The following NPAS2 variants were observed in gnomAD, a reference collection of about 807,000 sequenced individuals.
The protein encoded by NPAS2 is neuronal PAS domain protein 2.
Under a neutral mutation model 107.5 loss-of-function variants are expected in NPAS2, and 23 were observed. That is an observed-to-expected ratio of 0.21 (90% CI 0.15 to 0.30). NPAS2 has a LOEUF of 0.30. Among genes scored for constraint, NPAS2 ranks in the 10% least tolerant of loss-of-function variants. The pLI is 1.00. For synonymous variants in NPAS2, 403 were observed against 417.5 expected (o/e 0.97, Z 0.42); for missense variants, 756 against 1,043.3 (o/e 0.72, Z 3.79).
intron 1 of NPAS2, among the ~76,000 whole-genome samples, chr2:100,851,584 C>T (rs1217091972): frequency 6.6e-6 from 1 of 152,192 alleles, no homozygotes; most frequent in African/African-American, 2.4e-5. Flanking sequence ...GTTAAATAAA[C>T]CCTGAGCACC....
intron 1 of NPAS2, among the ~76,000 whole-genome samples, chr2:100,858,909 A>G (rs953481287): frequency 5.9e-5 from 9 of 152,184 alleles, no homozygotes; most frequent in Admixed American, 2.6e-4. Context: ...ATTTAGTAAA[A>G]CTAAGTAAGG....
intron 2 of NPAS2, among the ~76,000 whole-genome samples, chr2:100,915,200 C>CCT (rs34276381): frequency 0.35 from 53,502 of 151,878 alleles, 10,133 homozygotes; most frequent in Admixed American, 0.51. Flanking sequence ...GGAAGGGGAA[C>CCT]CTCTCTCCAG....
intron 1 of NPAS2, among the ~76,000 whole-genome samples, chr2:100,896,450 G>C (rs950225262): frequency 2.6e-5 from 4 of 152,212 alleles, no homozygotes; most frequent in Admixed American, 2.0e-4. Context: ...GGTGCTGCCT[G>C]ATTTATGAGT....
chr2:100,979,530 T>C (rs76137924), intron 15 of NPAS2, among the ~76,000 whole-genome samples: 40,184 of 103,400 alleles, frequency 0.39, 8,421 homozygotes, highest in East Asian at 0.76. Flanking sequence ...TTTTTTTTTC[T>C]GAGACGGAGT....
intron 1 of NPAS2, among the ~76,000 whole-genome samples, chr2:100,826,500 A>G (rs1676390688): frequency 6.6e-6 from 1 of 152,246 alleles, no homozygotes; most frequent in African/African-American, 2.4e-5. Flanking sequence ...TATGTATATT[A>G]TTTAGCAACT....
chr2:100,873,094 G>A (rs1679677257), intron 1 of NPAS2, among the ~76,000 whole-genome samples: 1 of 151,350 alleles, frequency 6.6e-6, no homozygotes, highest in African/African-American at 2.4e-5. Context: ...CTTGAGGTCA[G>A]AAGTTTGACA....
chr2:100,938,999 G>A (rs1258211753), intron 5 of NPAS2, among the ~76,000 whole-genome samples: 1 of 152,148 alleles, frequency 6.6e-6, no homozygotes, highest in African/African-American at 2.4e-5. Context: ...GGATGATGCT[G>A]GAGGACCGCG....
chr2:100,823,825 G>A (rs1305302959), intron 1 of NPAS2: 1 of 152,268 alleles, frequency 6.6e-6, no homozygotes, highest in Non-Finnish European at 1.5e-5. Context: ...TGGCCAGAAA[G>A]GGGCCCAGGA....
chr2:100,968,354 G>A lies in NPAS2; in HGVS notation c.981G>A (p.Gln327=). Residue 327 remains glutamine (Q), a synonymous_variant, in exon 11 of 21, where the codon CAG becomes CAA. Coordinates refer to ENST00000335681, the MANE Select transcript of NPAS2 (RefSeq NM_002518.4). The surrounding 1 kb of genome is among the most constrained non-coding windows in gnomAD (Gnocchi z 5.3). ...AAGGTCAGCAGTGGATCTGGCTGCA[G>A]ACTCACTACTACATCACCTACCATC... is the stretch of plus-strand genomic sequence containing the variant. ...LTKGQQWIWL[Q]THYYITYHQW... 6.2e-7 allele frequency: 1 copy of A among 1,614,120 alleles called. No individual in the cohort carries two copies. The highest frequency in any genetic ancestry group is 2.2e-5 in the East Asian group (1 of 44,884).
At chr2:100,830,749 T>C (rs1242637855) in intron 1 of NPAS2, among the ~76,000 whole-genome samples, 1 of 152,196 alleles carries the variant, frequency 6.6e-6, no homozygotes, top group Non-Finnish European at 1.5e-5. Context: ...CATCCATCCA[T>C]TATTTTTTCA....
intron 2 of NPAS2, among the ~76,000 whole-genome samples, chr2:100,912,215 CATTTATTTATTTATTTATTT>C (rs200504991): frequency 6.3e-5 from 9 of 143,410 alleles, no homozygotes; most frequent in South Asian, 2.3e-4. Flanking sequence ...CAGTTTGCTC[CATTTATTTATTTATTTATTT>C]ATTTATTTAT....
intron 15 of NPAS2, among the ~76,000 whole-genome samples, chr2:100,979,536 G>A (rs1455424997): frequency 2.9e-4 from 27 of 93,298 alleles, no homozygotes; most frequent in Admixed American, 5.6e-4. Context: ...TTTCTGAGAC[G>A]GAGTTTCACT....
chr2:100,928,825 G>A (rs1450759140), intron 3 of NPAS2, among the ~76,000 whole-genome samples: 1 of 152,230 alleles, frequency 6.6e-6, no homozygotes, highest in Non-Finnish European at 1.5e-5. Flanking sequence ...GTAAGCATCT[G>A]TTCAGGGCTT....
At chr2:100,881,685 C>CA (rs567511145) in intron 1 of NPAS2, among the ~76,000 whole-genome samples, 4,762 of 142,244 alleles carry the variant, frequency 0.033, 237 homozygotes, top group African/African-American at 0.11. Flanking sequence ...GACTTCATCT[C>CA]AAAAAAAAAA....
At chr2:100,971,716 A>G (rs1187295716) in intron 12 of NPAS2, among the ~76,000 whole-genome samples, 1 of 151,696 alleles carries the variant, frequency 6.6e-6, no homozygotes, top group South Asian at 2.1e-4. Context: ...TGAGCCCTCT[A>G]CTCGCCTCTG....
At chr2:100,985,976 G>C (rs914633561) in intron 16 of NPAS2, 1 of 152,270 alleles carries the variant, frequency 6.6e-6, no homozygotes, top group East Asian at 1.9e-4. Context: ...CCAGAAAAAC[G>C]CATGGTAATT....
intron 1 of NPAS2, among the ~76,000 whole-genome samples, chr2:100,861,957 G>T (rs925414364): frequency 1.3e-5 from 2 of 152,250 alleles, no homozygotes; most frequent in South Asian, 4.1e-4. Context: ...AGGGATCTGT[G>T]TTAAGAAAAG....
rs1213420462 is a variant in NPAS2, at chr2:100,904,804, C to T, written c.32+18C>T. 6.3e-7 allele frequency: 1 copy of T among 1,591,236 alleles called. No individual in the cohort carries two copies. The highest frequency in any genetic ancestry group is 8.6e-7 in the Non-Finnish European group (1 of 1,163,076). On this transcript the variant is annotated intron_variant, in intron 2 of 20. Coordinates refer to ENST00000335681, the MANE Select transcript of NPAS2 (RefSeq NM_002518.4). ...GCCAAGAGGTAAGATGCAGCTGTCC[C>T]CCTGCTCAGCAGAGCTCTCTGGCCC...
chr2:100,862,107 G>A (rs1400151123), intron 1 of NPAS2, among the ~76,000 whole-genome samples: 3 of 152,066 alleles, frequency 2.0e-5, no homozygotes, highest in Non-Finnish European at 4.4e-5. Context: ...TTTATGATGA[G>A]GAAACTATAA....
Sources: allele counts gnomAD v4.1 joint callset (sites outside exome capture counted in the v4.1 genomes callset), GRCh38; gene constraint gnomAD v4.1.1; non-coding constraint Gnocchi (gnomAD v3.1); transcripts MANE v1.5; gene names NCBI Gene and HGNC (gene_info 2026-07-23, HGNC 2026-07-21).